The following BTBD9 variants were observed in gnomAD, a reference collection of about 807,000 sequenced individuals.
BTBD9 encodes the protein BTB/POZ domain-containing protein 9.
Under a neutral mutation model 64.3 loss-of-function variants are expected in BTBD9, and 49 were observed. The ratio of observed to expected loss-of-function variants is 0.76; its 90% CI spans 0.61 to 0.97. BTBD9 has a LOEUF of 0.97. Ranked by LOEUF, BTBD9 falls within the 50% of genes least tolerant of loss-of-function variation. BTBD9 has a pLI of 0.00. For missense variants in BTBD9, 598 were observed against 762.1 expected (o/e 0.78, Z 2.53); for synonymous variants, 260 against 274.7 (o/e 0.95, Z 0.53).
intron 7 of BTBD9, among the ~76,000 whole-genome samples, chr6:38,295,672 A>C (rs1251692354): frequency 1.3e-5 from 2 of 152,196 alleles, no homozygotes; most frequent in Non-Finnish European, 2.9e-5. Context: ...TTTAGTGAAC[A>C]GCCCATCCTT....
intron 1 of BTBD9, among the ~76,000 whole-genome samples, chr6:38,600,841 C>G (rs1777216187): frequency 6.6e-6 from 1 of 152,178 alleles, no homozygotes. Flanking sequence ...CTCCAGATCT[C>G]TACTTCTCAA....
intron 6 of BTBD9, among the ~76,000 whole-genome samples, chr6:38,360,825 A>G (rs922450856): frequency 2.5e-4 from 38 of 152,230 alleles, no homozygotes; most frequent in Admixed American, 6.5e-5. Context: ...GAACAACAAG[A>G]TAACGGCTAG....
In BTBD9 at chr6:38,478,875, T is replaced by C. The variant is rs565555415; in HGVS notation, c.1154+98725A>G. Reference sequence around the variant, plus strand: ...GAGCTAAAATTCCATTTCACTTTTATCATATATAAAACCAGGATTATAGCT... The same window carrying C: ...GAGCTAAAATTCCATTTCACTTTTACCATATATAAAACCAGGATTATAGCT... On this transcript the variant is annotated intron_variant, in intron 6 of 10. Coordinates refer to ENST00000481247, the MANE Select transcript of BTBD9 (RefSeq NM_001099272.2). 6.6e-5 allele frequency among the ~76,000 whole-genome samples: 10 copies of C among 152,296 alleles called. No homozygotes were observed. The South Asian group carries it at 1.7e-3, about 25-fold the overall frequency.
intron 9 of BTBD9, among the ~76,000 whole-genome samples, chr6:38,250,755 T>C (rs1229008084): frequency 2.0e-5 from 3 of 152,168 alleles, no homozygotes; most frequent in Admixed American, 6.5e-5. Context: ...TCGAGAAATA[T>C]TGTCTATAAC....
chr6:38,622,504 A>G (rs1778021406), intron 1 of BTBD9, among the ~76,000 whole-genome samples: 1 of 152,138 alleles, frequency 6.6e-6, no homozygotes, highest in Admixed American at 6.5e-5. Context: ...TATTACCTTC[A>G]CTGCACCTGG....
chr6:38,481,025 C>T (rs528370098), intron 6 of BTBD9, among the ~76,000 whole-genome samples: 10 of 152,254 alleles, frequency 6.6e-5, no homozygotes, highest in African/African-American at 2.2e-4. Flanking sequence ...CTCAAAAATG[C>T]CTTTCCATCA....
intron 9 of BTBD9, among the ~76,000 whole-genome samples, chr6:38,219,039 A>T (rs1027348018): frequency 2.0e-5 from 3 of 152,124 alleles, no homozygotes; most frequent in African/African-American, 7.2e-5. Flanking sequence ...GCAAGGAGCA[A>T]TACAGCCCAA....
intron 6 of BTBD9, among the ~76,000 whole-genome samples, chr6:38,479,236 A>G (rs959512761): frequency 4.6e-5 from 7 of 152,234 alleles, no homozygotes; most frequent in Non-Finnish European, 1.0e-4. Context: ...GGGTTCAGAC[A>G]CACAACCCCT....
rs1029443333 is a variant in BTBD9, at chr6:38,367,617, G to C, written c.1155-22524C>G. 9.2e-5 allele frequency among the ~76,000 whole-genome samples: 14 copies of C among 152,022 alleles called. 1 individual carries two copies. Among genetic ancestry groups the C allele is most frequent in the Non-Finnish European group, 1.6e-4 (11 of 68,012 alleles). On this transcript the variant is annotated intron_variant, in intron 6 of 10. Coordinates refer to ENST00000481247, the MANE Select transcript of BTBD9 (RefSeq NM_001099272.2). ...AGAGACAGAGAAAAAACCCTGGAGAGTACAATCCTTGGAAGTTTCAAGCCC... is the reference window on the plus strand; with the variant it reads ...AGAGACAGAGAAAAAACCCTGGAGACTACAATCCTTGGAAGTTTCAAGCCC...
rs70981564 is a variant in BTBD9, at chr6:38,556,542, TGTGTGTGTGAGA to T, written c.1154+21046_1154+21057del. On this transcript the variant is annotated intron_variant, in intron 6 of 10. Transcript: ENST00000481247. ...GTGTGTGTGTGTGTGTGTGTGTGTG[TGTGTGTGTGAGA>T]GAGAGAGAGAGAGAGAGAGAGATTT... Among the ~76,000 whole-genome samples, 329 of 62,454 alleles carry T rather than the reference TGTGTGTGTGAGA, an allele frequency of 5.3e-3. 5 individuals are homozygous for T. The East Asian group carries it at 0.068, about 13-fold the overall frequency. The allele number at this position is 62,454 out of a possible 152,430, so 41.0% of individuals were successfully genotyped here. A position where few individuals can be genotyped will look rare whatever the true frequency, so the allele number is the denominator to read the frequency against.
At chr6:38,608,192 T>C (rs967835199) in intron 1 of BTBD9, among the ~76,000 whole-genome samples, 3 of 152,198 alleles carry the variant, frequency 2.0e-5, no homozygotes, top group African/African-American at 4.8e-5. Flanking sequence ...TGACAAGTCA[T>C]AGATTGCAAC....
chr6:38,175,136 T>A lies in BTBD9; in HGVS notation c.1688A>T (p.Gln563Leu), dbSNP rs375888918. 3.8e-5 allele frequency: 61 copies of A among 1,614,042 alleles called. No homozygotes were observed. The highest frequency in any genetic ancestry group is 4.9e-5 in the Non-Finnish European group (58 of 1,179,992). ...CGATTCCTCACTATTTTCCTCCTTC[T>A]GGCTGCTCTGCTGCTCTGGACACTC... ...HFECPEQQSS[Q>L]KEENSEESGT... The change falls in exon 11 of 11, where the codon CAG becomes CTG. Residue 563 changes from glutamine (Q) to leucine (L), a missense_variant. Transcript: ENST00000481247.
intron 6 of BTBD9, among the ~76,000 whole-genome samples, chr6:38,443,274 C>T (rs1421799984): frequency 1.3e-5 from 2 of 152,172 alleles, no homozygotes; most frequent in Admixed American, 6.5e-5. Flanking sequence ...ATATATAACA[C>T]ACTTAAGATT....
intron 4 of BTBD9, chr6:38,588,257 C>G: frequency 8.8e-7 from 1 of 1,135,354 alleles, no homozygotes; most frequent in Non-Finnish European, 1.3e-6. Context: ...TTTTGGTCAG[C>G]CTCAACAACT....
chr6:38,331,600 T>C (rs573118523), intron 7 of BTBD9, among the ~76,000 whole-genome samples: 1 of 152,346 alleles, frequency 6.6e-6, no homozygotes, highest in South Asian at 2.1e-4. Context: ...GGCTCACACC[T>C]GGAATCCCAG....
intron 7 of BTBD9, among the ~76,000 whole-genome samples, chr6:38,295,196 A>C (rs1232596188): frequency 6.6e-6 from 1 of 152,116 alleles, no homozygotes. Flanking sequence ...ACACGGTCTC[A>C]TTCTGTCATC....
chr6:38,195,979 C>G (rs986326963), intron 9 of BTBD9, among the ~76,000 whole-genome samples: 2 of 152,216 alleles, frequency 1.3e-5, no homozygotes, highest in African/African-American at 4.8e-5. Flanking sequence ...AAACAGAGTA[C>G]CTATCTTGCC....
intron 4 of BTBD9, among the ~76,000 whole-genome samples, chr6:38,581,500 C>A (rs140452261): frequency 8.0e-4 from 122 of 152,298 alleles, no homozygotes; most frequent in African/African-American, 2.8e-3. Flanking sequence ...CCCCTCCCCT[C>A]ACCAACATTA....
At chr6:38,368,597 T>C (rs912188698) in intron 6 of BTBD9, among the ~76,000 whole-genome samples, 1 of 152,280 alleles carries the variant, frequency 6.6e-6, no homozygotes, top group Middle Eastern at 3.4e-3. Context: ...CCTCCCAAAG[T>C]GCTAGGATTA....
Sources: allele counts gnomAD v4.1 joint callset (sites outside exome capture counted in the v4.1 genomes callset), GRCh38; gene constraint gnomAD v4.1.1; transcripts MANE v1.5; gene names NCBI Gene and HGNC (gene_info 2026-07-23, HGNC 2026-07-21).